The following SHANK2 variants were observed in gnomAD, a reference collection of about 807,000 sequenced individuals.
The protein encoded by SHANK2 is SH3 and multiple ankyrin repeat domains protein 2.
Under a neutral mutation model 133.7 loss-of-function variants are expected in SHANK2, and 43 were observed. The observed-to-expected ratio is 0.32, with a 90% CI of 0.25 to 0.41. The LOEUF is 0.41. Ranked by LOEUF, SHANK2 falls within the 10% of genes least tolerant of loss-of-function variation. SHANK2 has a pLI of 1.00. For synonymous variants in SHANK2, 1,017 were observed against 952.8 expected, an observed-to-expected ratio of 1.07 and a Z score of -1.24; for missense variants, 1,994 against 2,235.8, an observed-to-expected ratio of 0.89 and a Z score of 2.18.
chr11:70,586,208 C>T (rs554803862), intron 17 of SHANK2, among the ~76,000 whole-genome samples: 46 of 152,050 alleles, frequency 3.0e-4, no homozygotes, highest in Admixed American at 2.6e-3. Context: ...GACTGAATGT[C>T]GCCCAGGAGT....
intron 17 of SHANK2, among the ~76,000 whole-genome samples, chr11:70,554,037 A>G (rs2059800658): frequency 6.6e-6 from 1 of 152,250 alleles, no homozygotes; most frequent in Non-Finnish European, 1.5e-5. Flanking sequence ...GACTGGCTGC[A>G]GGAAGTCCCC....
chr11:70,924,154 C>T (rs1950393273), intron 10 of SHANK2, among the ~76,000 whole-genome samples: 1 of 152,184 alleles, frequency 6.6e-6, no homozygotes, highest in Non-Finnish European at 1.5e-5. Flanking sequence ...CAGCATCCCT[C>T]CTGCCACACT....
chr11:71,067,159 G>T (rs889373367), intron 9 of SHANK2, among the ~76,000 whole-genome samples: 9 of 152,162 alleles, frequency 5.9e-5, no homozygotes, highest in African/African-American at 2.2e-4. Flanking sequence ...AACGCCCAAT[G>T]CTCAGGGGGC....
chr11:70,877,479 T>C (rs1949587187), intron 11 of SHANK2, among the ~76,000 whole-genome samples: 1 of 152,200 alleles, frequency 6.6e-6, no homozygotes, highest in Non-Finnish European at 1.5e-5. Flanking sequence ...GCCACCGTGA[T>C]TTCAGGGAGA....
chr11:70,844,368 A>G (rs531627051), intron 11 of SHANK2, among the ~76,000 whole-genome samples: 1 of 152,090 alleles, frequency 6.6e-6, no homozygotes, highest in Non-Finnish European at 1.5e-5. Context: ...GGGGCGGGGC[A>G]TGAAAATCTC....
intron 9 of SHANK2, among the ~76,000 whole-genome samples, chr11:71,059,904 T>TACAGAGTG (rs1380223916): frequency 6.6e-6 from 1 of 152,104 alleles, no homozygotes; most frequent in African/African-American, 2.4e-5. Flanking sequence ...GCCGCCTCTG[T>TACAGAGTG]ACAGAGTGGG....
At chr11:71,167,628 G>T (rs1319880912) in intron 2 of SHANK2, among the ~76,000 whole-genome samples, 2 of 145,582 alleles carry the variant, frequency 1.4e-5, no homozygotes, top group South Asian at 2.2e-4. Flanking sequence ...GGGAAGAGGC[G>T]CCCCTCACTT....
chr11:70,671,274 TCTAGGAGGGAGAATG>T (rs782060634), intron 15 of SHANK2, among the ~76,000 whole-genome samples: 5 of 151,866 alleles, frequency 3.3e-5, no homozygotes, highest in African/African-American at 4.8e-5. Context: ...GGAAACGTCG[TCTAGGAGGGAGAATG>T]CTAGGAGGGA....
chr11:70,859,801 T>C (rs1555067443), intron 11 of SHANK2, among the ~76,000 whole-genome samples: 1 of 152,116 alleles, frequency 6.6e-6, no homozygotes, highest in Non-Finnish European at 1.5e-5. Flanking sequence ...GTGTCCAGCA[T>C]AGCTGAAGAG....
intron 17 of SHANK2, among the ~76,000 whole-genome samples, chr11:70,630,806 G>A (rs2060974677): frequency 6.6e-6 from 1 of 152,200 alleles, no homozygotes; most frequent in Admixed American, 6.5e-5. Context: ...CCAGAACTGT[G>A]AGGGGAGACA....
intron 2 of SHANK2, among the ~76,000 whole-genome samples, chr11:71,201,104 C>T (rs1435768348): frequency 1.3e-5 from 2 of 152,096 alleles, no homozygotes; most frequent in Non-Finnish European, 2.9e-5. Flanking sequence ...TAGCAGTGCC[C>T]AAAAATTCCT....
At chr11:70,934,960 C>T (rs1455560626) in intron 10 of SHANK2, among the ~76,000 whole-genome samples, 5 of 152,174 alleles carry the variant, frequency 3.3e-5, no homozygotes, top group South Asian at 2.1e-4. Context: ...AGAGAAGGGA[C>T]GGGGCAGGTC....
intron 14 of SHANK2, among the ~76,000 whole-genome samples, chr11:70,761,405 T>C (rs1946995215): frequency 1.3e-5 from 2 of 152,192 alleles, no homozygotes; most frequent in African/African-American, 2.4e-5. Context: ...TTCTGGTGTG[T>C]GAGCCCCAGT....
In SHANK2 at chr11:70,832,356, C is replaced by T. The variant is rs186152917; in HGVS notation, c.1175-11674G>A. ...ATTGCTCACGATGCATTCACATTAT[C>T]CTTCTGGGTGCTGCCTCCTCCAGGA... is the stretch of plus-strand genomic sequence containing the variant. On this transcript the variant is annotated intron_variant, in intron 11 of 25. Coordinates refer to ENST00000601538, the MANE Select transcript of SHANK2 (RefSeq NM_012309.5). Among the ~76,000 whole-genome samples, 418 of 152,344 alleles carry T rather than the reference C, an allele frequency of 2.7e-3. 1 individual carries two copies. Among genetic ancestry groups the T allele is most frequent in the African/African-American group, 9.4e-3 (391 of 41,568 alleles).
intron 6 of SHANK2, among the ~76,000 whole-genome samples, chr11:71,102,745 G>T (rs1555096931): frequency 3.3e-5 from 5 of 152,212 alleles, no homozygotes; most frequent in Non-Finnish European, 5.9e-5. Flanking sequence ...TCGTCCCACT[G>T]CCTTTTCCCC....
chr11:70,536,486 T>A (rs2059546084), intron 17 of SHANK2, among the ~76,000 whole-genome samples: 1 of 152,110 alleles, frequency 6.6e-6, no homozygotes, highest in Admixed American at 6.5e-5. Flanking sequence ...AGCTGTGGCC[T>A]CTGGTGAACC....
chr11:71,184,895 C>A (rs1339476859), intron 2 of SHANK2, among the ~76,000 whole-genome samples: 1 of 152,150 alleles, frequency 6.6e-6, no homozygotes, highest in African/African-American at 2.4e-5. Context: ...CCAGATGCAC[C>A]ATCATACCAG....
intron 2 of SHANK2, among the ~76,000 whole-genome samples, chr11:71,210,727 C>T (rs554519886): frequency 2.8e-4 from 43 of 152,078 alleles, no homozygotes; most frequent in Non-Finnish European, 6.3e-4. Context: ...ACCAAGAGAC[C>T]CAGGCGTCTG....
At chr11:70,617,722 C>T (rs1054290778) in intron 17 of SHANK2, among the ~76,000 whole-genome samples, 5 of 152,154 alleles carry the variant, frequency 3.3e-5, no homozygotes, top group Admixed American at 3.3e-4. Context: ...GACCAAAACT[C>T]TGAAAAACAG....
Sources: gnomAD v4.1 joint callset for allele counts (sites outside exome capture counted in the v4.1 genomes callset) on GRCh38, gnomAD v4.1.1 for gene constraint, MANE v1.5 for transcripts, NCBI Gene and HGNC (gene_info 2026-07-23, HGNC 2026-07-21) for gene names.